The following DENND3 variants were observed in gnomAD, a reference collection of about 807,000 sequenced individuals.
The protein encoded by DENND3 is DENN domain containing 3.
DENND3 carries 88 observed loss-of-function variants against 135.1 expected under a neutral mutation model. That is an observed-to-expected ratio of 0.65 (90% CI 0.55 to 0.78). The LOEUF is 0.78. Ranked by LOEUF, DENND3 falls within the 30% of genes least tolerant of loss-of-function variation. DENND3 has a pLI of 0.00. For synonymous variants in DENND3, 693 were observed against 712.3 expected (o/e 0.97, Z 0.43); for missense variants, 1,392 against 1,688.4 (o/e 0.82, Z 3.08).
chr8:141,188,016 A>C (rs1824132473), intron 18 of DENND3, among the ~76,000 whole-genome samples: 1 of 149,952 alleles, frequency 6.7e-6, no homozygotes. Context: ...GGGAAACCCT[A>C]TCTCTACTAA....
At chr8:141,183,537 G>A (rs182035343) in intron 17 of DENND3, among the ~76,000 whole-genome samples, 415 of 151,590 alleles carry the variant, frequency 2.7e-3, no homozygotes, top group South Asian at 0.012. Context: ...TTAGAGGCGT[G>A]AGCCACCACA....
intron 22 of DENND3, 53 bp from the exon 23 acceptor site, chr8:141,193,980 G>A: frequency 1.3e-6 from 2 of 1,578,584 alleles, no homozygotes; most frequent in Non-Finnish European, 1.7e-6. Context: ...AAGCCCTGGT[G>A]CTCTTGGGAG....
intron 6 of DENND3, among the ~76,000 whole-genome samples, chr8:141,151,195 G>T (rs1309932287): frequency 6.6e-6 from 1 of 152,246 alleles, no homozygotes; most frequent in African/African-American, 2.4e-5. Context: ...GACCAGGGAA[G>T]AGCCCGCAGT....
chr8:141,149,068 G>T (rs572685106), intron 5 of DENND3, among the ~76,000 whole-genome samples: 1 of 150,152 alleles, frequency 6.7e-6, no homozygotes. Flanking sequence ...GTACCACCAT[G>T]CCTGGCTAAT....
intron 8 of DENND3, chr8:141,158,426 C>T (rs777882150): frequency 4.6e-5 from 52 of 1,130,944 alleles, no homozygotes; most frequent in East Asian, 7.9e-5. Context: ...GTTAGAATTC[C>T]GGAATAGAAA....
chr8:141,185,377 C>A (rs1823765081), intron 18 of DENND3, 99 bp downstream of exon 18: 6 of 1,489,452 alleles, frequency 4.0e-6, no homozygotes, highest in Non-Finnish European at 5.5e-6. Context: ...ACAAGCTATT[C>A]CACAGCCTCA....
intron 13 of DENND3, among the ~76,000 whole-genome samples, chr8:141,171,483 T>C (rs1053740631): frequency 6.6e-6 from 1 of 152,200 alleles, no homozygotes; most frequent in African/African-American, 2.4e-5. Flanking sequence ...TGACGTTGCC[T>C]GCACGCCACC....
intron 20 of DENND3, chr8:141,191,593 G>A (rs1044039104): frequency 2.0e-5 from 3 of 152,280 alleles, no homozygotes; most frequent in East Asian, 1.9e-4. Flanking sequence ...CACCGTCCCC[G>A]CGGGAGTGAA....
Position 141,155,860 on chromosome 8 carries a change from T to C in DENND3, c.1086T>C (p.Gly362=). The C allele has an allele frequency of 1.2e-6, 2 of 1,600,632 alleles. No homozygotes were observed. Among genetic ancestry groups the C allele is most frequent in the South Asian group, 2.3e-5 (2 of 88,576 alleles). The change falls in exon 8 of 23, where the codon GGT becomes GGC. Residue 362 remains glycine (G), a synonymous_variant. Transcript: ENST00000519811. The part of the protein sequence containing the change: ...HFEEVSKEAD[G]LVLINIDHGS... ...TCCTTGTTTTCTAGGAAGCCGACGG[T>C]TTAGTTCTGATAAATATTGATCATG...
intron 5 of DENND3, among the ~76,000 whole-genome samples, chr8:141,148,189 T>TGG: frequency 6.6e-6 from 1 of 152,178 alleles, no homozygotes; most frequent in African/African-American, 2.4e-5. Flanking sequence ...AATGCGTGTG[T>TGG]GTGCGTTCCT....
In DENND3 at chr8:141,144,945, T is replaced by C. The variant is rs1166053443; in HGVS notation, c.735+686T>C. Among the ~76,000 whole-genome samples the C allele has an allele frequency of 6.6e-6, 1 of 152,258 alleles. No homozygotes were observed. The highest frequency in any genetic ancestry group is 1.5e-5 in the Non-Finnish European group (1 of 68,040). On this transcript the variant is annotated intron_variant, in intron 5 of 22. Transcript: ENST00000519811. The surrounding 1 kb of genome is among the most constrained non-coding windows in gnomAD (Gnocchi z 4.4). ...GACCCTGAAGAAAATCAAAGTATTT[T>C]ACTGCAAATATGTTTCTTTGACATA...
In DENND3 at chr8:141,168,396, G is replaced by A. The variant is rs1366389415; in HGVS notation, c.2146G>A (p.Asp716Asn). 2.5e-6 allele frequency: 4 copies of A among 1,613,870 alleles called. No homozygotes were observed. The highest frequency in any genetic ancestry group is 2.2e-5 in the East Asian group (1 of 44,868). ...GCCGCACGAGGCCTCGAAGCTGGAC[G>A]ACCACGTGAAGAAGTTCAAGCTGCC... is the stretch of plus-strand genomic sequence containing the variant. Reference protein sequence around the residue: ...DKPHEASKLDDHVKKFKLPKK... With the variant: ...DKPHEASKLDNHVKKFKLPKK... Residue 716 changes from aspartate to asparagine, a missense_variant, in exon 13 of 23, where the codon GAC becomes AAC. By Grantham distance (23) the Asp-to-Asn change is conservative. Coordinates refer to ENST00000519811, the MANE Select transcript of DENND3 (RefSeq NM_001352890.3). This position sits in a 1 kb window ranked among gnomAD's most constrained non-coding sequence, Gnocchi z 6.2.
chr8:141,173,939 G>A (rs1244129123), intron 13 of DENND3, among the ~76,000 whole-genome samples: 1 of 152,200 alleles, frequency 6.6e-6, no homozygotes, highest in Non-Finnish European at 1.5e-5. Context: ...TCTGGTTCTT[G>A]GGGTGTAGCA....
intron 3 of DENND3, among the ~76,000 whole-genome samples, chr8:141,140,729 G>A (rs964171468): frequency 9.9e-5 from 15 of 152,148 alleles, no homozygotes; most frequent in African/African-American, 3.6e-4. Flanking sequence ...CAGTTGGTGA[G>A]CCCCAAATAC....
rs1228021815 is a variant in DENND3, at chr8:141,142,486, A to G, written c.623+1162A>G. On this transcript the variant is annotated intron_variant, in intron 4 of 22. Transcript: ENST00000519811. ...AGGAACCTTACTGTTCAAATCAATG[A>G]CTCGTAATTCAAATCCCAGCACTTT... is the stretch of plus-strand genomic sequence containing the variant. 4 of 424,378 alleles carry G rather than the reference A, an allele frequency of 9.4e-6. No individual in the cohort carries two copies. The Admixed American group carries it at 1.1e-4, about 12-fold the overall frequency. 26.3% of individuals were successfully genotyped at this position (424,378 alleles called of 1,614,324 possible).
chr8:141,170,364 AGTGT>A (rs749129758), intron 13 of DENND3, among the ~76,000 whole-genome samples: 20 of 151,590 alleles, frequency 1.3e-4, no homozygotes, highest in Non-Finnish European at 2.5e-4. Context: ...TGTGTGTATG[AGTGT>A]GTATGTGTGT....
rs1208628800 is a variant in DENND3 at position 141,139,352 on chromosome 8, G to A, written c.501+1215G>A. On this transcript the variant is annotated intron_variant, in intron 3 of 22. Coordinates refer to ENST00000519811, the MANE Select transcript of DENND3 (RefSeq NM_001352890.3). The surrounding 1 kb of genome is among the most constrained non-coding windows in gnomAD (Gnocchi z 4.2). The stretch of plus-strand genomic sequence containing the variant: ...ACAGACAGGCCCGGATGTTCTTAAT[G>A]AATATGCAGGAGCAAAGCGTACTAC... Among the ~76,000 whole-genome samples the A allele has an allele frequency of 6.6e-6, 1 of 152,206 alleles. No individual in the cohort carries two copies. The highest frequency in any genetic ancestry group is 2.4e-5 in the African/African-American group (1 of 41,446).
At position 141,136,740 on chromosome 8, in the gene DENND3, G is replaced by C. The variant is rs529124995; in HGVS notation, c.334G>C (p.Ala112Pro). 2 of 1,601,302 alleles carry C rather than the reference G, an allele frequency of 1.2e-6. No homozygotes were observed. The highest frequency in any genetic ancestry group is 1.7e-6 in the Non-Finnish European group (2 of 1,174,652). The change falls in exon 2 of 23, where the codon GCC becomes CCC. Residue 112 changes from alanine (A) to proline (P), a missense_variant. By Grantham distance (27) the Ala-to-Pro change is conservative. Transcript: ENST00000519811. The part of the protein sequence containing the change: ...PPRAPEPEDV[A>P]VPGGVDLLTL... ...CAGAGCGCCAGAGCCTGAGGATGTCGCCGTCCCGGGCGGCGTGGACCTCCT... is the reference window on the plus strand; with the variant it reads ...CAGAGCGCCAGAGCCTGAGGATGTCCCCGTCCCGGGCGGCGTGGACCTCCT...
At chr8:141,145,832 TATATATATATATATATA>T (rs1569555466) in intron 5 of DENND3, among the ~76,000 whole-genome samples, 15 of 82,738 alleles carry the variant, frequency 1.8e-4, no homozygotes, top group African/African-American at 9.5e-4. Flanking sequence ...TATATATATA[TATATATATATATATATA>T]TGTATTTTTT....
Sources: allele counts gnomAD v4.1 joint callset (sites outside exome capture counted in the v4.1 genomes callset), GRCh38; gene constraint gnomAD v4.1.1; non-coding constraint Gnocchi (gnomAD v3.1); transcripts MANE v1.5; gene names NCBI Gene and HGNC (gene_info 2026-07-23, HGNC 2026-07-21).